LYPLAL1: variants seen among roughly 807,000 people sequenced by gnomAD.
The protein encoded by LYPLAL1 is lysophospholipase like 1.
In LYPLAL1, 23 loss-of-function variants were observed where a neutral mutation model predicts 19.7. The observed-to-expected ratio is 1.17, with a 90% CI of 0.84 to 1.65. The LOEUF is 1.65. LYPLAL1 is among the 40% of genes most tolerant of loss of function. The pLI is 0.00. For synonymous variants in LYPLAL1, 119 were observed against 96.3 expected, an observed-to-expected ratio of 1.24 and a Z score of -1.38; for missense variants, 355 against 279.4, an observed-to-expected ratio of 1.27 and a Z score of -1.93.
the LYPLAL1 span, among the ~76,000 whole-genome samples, chr1:219,428,064 C>A: frequency 6.6e-6 from 1 of 152,130 alleles, no homozygotes; most frequent in Non-Finnish European, 1.5e-5. Context: ...GAGAAAAACC[C>A]ACAGCTGCAT....
chr1:219,275,442 A>G, the LYPLAL1 span, among the ~76,000 whole-genome samples: 12 of 152,290 alleles, frequency 7.9e-5, no homozygotes, highest in South Asian at 2.5e-3. Flanking sequence ...AAAGACATTC[A>G]TAATTTTCTA....
In LYPLAL1 at chr1:219,212,233, A is replaced by C. The variant is rs1659097782; in HGVS notation, c.*505A>C. On this transcript the variant is annotated 3_prime_UTR_variant, in exon 5 of 5. Transcript: ENST00000366928. ...GTTGTTACTGGTATTTAATAATAGC[A>C]ATAGAGGAGTTAAAGACTTTCCCAC... 1 of 152,182 alleles carries C rather than the reference A, an allele frequency of 6.6e-6. No homozygotes were observed. The highest frequency in any genetic ancestry group is 2.1e-4 in the South Asian group (1 of 4,838). 9.4% of individuals were successfully genotyped at this position (152,182 alleles called of 1,614,324 possible).
At chr1:219,252,338 A>G in the LYPLAL1 span, among the ~76,000 whole-genome samples, 1 of 152,100 alleles carries the variant, frequency 6.6e-6, no homozygotes, top group African/African-American at 2.4e-5. Context: ...GTGGTAGGAC[A>G]GGGCATCCTT....
chr1:219,382,906 T>C, the LYPLAL1 span, among the ~76,000 whole-genome samples: 4 of 152,092 alleles, frequency 2.6e-5, no homozygotes, highest in East Asian at 7.7e-4. Context: ...CAAACAAAGA[T>C]GGCATAAAAA....
the LYPLAL1 span, among the ~76,000 whole-genome samples, chr1:219,420,010 A>T: frequency 2.0e-5 from 3 of 152,210 alleles, no homozygotes; most frequent in African/African-American, 7.2e-5. Flanking sequence ...AAAGGGAACA[A>T]CTATCTTCAC....
chr1:219,325,064 A>G, the LYPLAL1 span, among the ~76,000 whole-genome samples: 4 of 152,296 alleles, frequency 2.6e-5, no homozygotes, highest in South Asian at 2.1e-4. Flanking sequence ...TTTGTTTTCA[A>G]AAAAACATAT....
chr1:219,271,453 G>A, the LYPLAL1 span: 8 of 150,364 alleles, frequency 5.3e-5, no homozygotes, highest in African/African-American at 1.5e-4. Flanking sequence ...GACCGGCTCC[G>A]TGAGTTTAAA....
At chr1:219,183,962 A>C (rs1449231281) in intron 2 of LYPLAL1, among the ~76,000 whole-genome samples, 1 of 151,914 alleles carries the variant, frequency 6.6e-6, no homozygotes, top group Non-Finnish European at 1.5e-5. Context: ...CTAATCTTAT[A>C]GTAGTACAAA....
At chr1:219,206,510 T>G (rs573999755) in intron 3 of LYPLAL1, among the ~76,000 whole-genome samples, 18 of 152,060 alleles carry the variant, frequency 1.2e-4, no homozygotes, top group Non-Finnish European at 1.9e-4. Context: ...GTCATTGTAT[T>G]GTCAAAGACG....
chr1:219,396,102 C>CA, the LYPLAL1 span, among the ~76,000 whole-genome samples: 2,286 of 119,108 alleles, frequency 0.019, 51 homozygotes, highest in African/African-American at 0.064. Flanking sequence ...GACTCCATCT[C>CA]AAAAAAAAAA....
chr1:219,339,618 T>G, the LYPLAL1 span, among the ~76,000 whole-genome samples: 1 of 152,034 alleles, frequency 6.6e-6, no homozygotes. Flanking sequence ...TAACACTGGG[T>G]TCAAGAAAAT....
the LYPLAL1 span, among the ~76,000 whole-genome samples, chr1:219,365,170 T>G: frequency 0.071 from 10,773 of 152,098 alleles, 508 homozygotes; most frequent in South Asian, 0.14. Flanking sequence ...GACTAAGAGG[T>G]ATTGGAAAGG....
chr1:219,298,640 G>A, the LYPLAL1 span, among the ~76,000 whole-genome samples: 1 of 152,138 alleles, frequency 6.6e-6, no homozygotes, highest in Non-Finnish European at 1.5e-5. Context: ...CGCCAGGCAG[G>A]CCTCTGACAC....
the LYPLAL1 span, chr1:219,272,441 G>A: frequency 1.3e-5 from 2 of 152,350 alleles, no homozygotes; most frequent in African/African-American, 4.8e-5. Context: ...AGGGATGACA[G>A]GTTCTGCTGC....
At chr1:219,311,708 A>G in the LYPLAL1 span, among the ~76,000 whole-genome samples, 1 of 152,154 alleles carries the variant, frequency 6.6e-6, no homozygotes, top group South Asian at 2.1e-4. Flanking sequence ...TCATGATTAT[A>G]CCACCAGGAC....
intron 3 of LYPLAL1, among the ~76,000 whole-genome samples, chr1:219,201,043 A>C (rs1658055420): frequency 1.3e-5 from 2 of 152,230 alleles, no homozygotes; most frequent in South Asian, 4.1e-4. Flanking sequence ...TCACAAAAAA[A>C]GTGTACCAGT....
the LYPLAL1 span, among the ~76,000 whole-genome samples, chr1:219,262,392 G>A: frequency 6.6e-6 from 1 of 151,898 alleles, no homozygotes; most frequent in Non-Finnish European, 1.5e-5. Flanking sequence ...TAATCTTTTG[G>A]GGGTGTTATA....
chr1:219,271,112 T>C, the LYPLAL1 span: 1 of 152,440 alleles, frequency 6.6e-6, no homozygotes, highest in African/African-American at 2.4e-5. Flanking sequence ...GCCCAGCTAA[T>C]TTTGTATTTT....
chr1:219,209,619 T>G (rs980177749), intron 3 of LYPLAL1, among the ~76,000 whole-genome samples: 1 of 152,150 alleles, frequency 6.6e-6, no homozygotes, highest in African/African-American at 2.4e-5. Context: ...ATTTTTGTAT[T>G]TCTATGAGTG....
Sources: gnomAD v4.1 joint callset for allele counts (sites outside exome capture counted in the v4.1 genomes callset) on GRCh38, gnomAD v4.1.1 for gene constraint, MANE v1.5 for transcripts, NCBI Gene and HGNC (gene_info 2026-07-23, HGNC 2026-07-21) for gene names.